L3MBTL3: variants seen among roughly 807,000 people sequenced by gnomAD.
L3MBTL3 encodes lethal(3)malignant brain tumor-like protein 3.
In L3MBTL3, 27 loss-of-function variants were observed where a neutral mutation model predicts 102.3. The observed-to-expected ratio is 0.26, with a 90% CI of 0.19 to 0.36. The LOEUF is 0.36. Ranked by LOEUF, L3MBTL3 falls within the 10% of genes least tolerant of loss-of-function variation. The pLI, the probability that L3MBTL3 is intolerant of heterozygous loss-of-function variation, is 1.00. For missense variants in L3MBTL3, 798 were observed against 955.3 expected, an observed-to-expected ratio of 0.84 and a Z score of 2.17; for synonymous variants, 340 against 320.9, an observed-to-expected ratio of 1.06 and a Z score of -0.64.
chr6:130,045,358 C>T (rs1383561357), intron 3 of L3MBTL3, among the ~76,000 whole-genome samples: 2 of 152,136 alleles, frequency 1.3e-5, no homozygotes, highest in Non-Finnish European at 2.9e-5. Context: ...ACTGGGCTAT[C>T]GCATGCTTAT....
chr6:130,110,443 T>G (rs1785279627), intron 19 of L3MBTL3, among the ~76,000 whole-genome samples: 1 of 152,202 alleles, frequency 6.6e-6, no homozygotes, highest in South Asian at 2.1e-4. Flanking sequence ...GGTGTTTTAT[T>G]CTCTTTGTAG....
Position 130,113,314 on chromosome 6 carries a change from C to G in L3MBTL3, c.1887-7565C>G, listed in dbSNP as rs142247640. On this transcript the variant is annotated intron_variant, in intron 19 of 22. Coordinates refer to ENST00000361794, the MANE Select transcript of L3MBTL3 (RefSeq NM_032438.4). ...TGACAGATGCAAGTAGTCTATAAATCAGGCTTTGGGAATCACTACTGAATG... is the reference window on the plus strand; with the variant it reads ...TGACAGATGCAAGTAGTCTATAAATGAGGCTTTGGGAATCACTACTGAATG... 3.1e-3 allele frequency among the ~76,000 whole-genome samples: 470 copies of G among 152,272 alleles called. 3 individuals carry two copies. Among genetic ancestry groups the G allele is most frequent in the African/African-American group, 0.011 (446 of 41,558 alleles).
At chr6:130,111,563 C>T (rs1785348263) in intron 19 of L3MBTL3, among the ~76,000 whole-genome samples, 1 of 152,128 alleles carries the variant, frequency 6.6e-6, no homozygotes, top group Non-Finnish European at 1.5e-5. Flanking sequence ...GATGTGCTGA[C>T]GTTGCTTTTG....
At chr6:130,076,560 A>C (rs1348509374) in intron 13 of L3MBTL3, among the ~76,000 whole-genome samples, 1 of 152,150 alleles carries the variant, frequency 6.6e-6, no homozygotes, top group Admixed American at 6.5e-5. Flanking sequence ...GCACTTACAC[A>C]TGAAATGTAT....
chr6:130,029,431 C>T (rs915009991), intron 2 of L3MBTL3, among the ~76,000 whole-genome samples: 7 of 152,190 alleles, frequency 4.6e-5, no homozygotes, highest in African/African-American at 1.7e-4. Context: ...TATGCCTCCT[C>T]AGCAAAAACG....
intron 2 of L3MBTL3, among the ~76,000 whole-genome samples, chr6:130,039,651 A>T (rs1207834565): frequency 1.3e-5 from 2 of 151,886 alleles, no homozygotes; most frequent in Non-Finnish European, 2.9e-5. Context: ...ATTTAAAAAT[A>T]ACAGTAAAAC....
intron 2 of L3MBTL3, among the ~76,000 whole-genome samples, chr6:130,036,420 A>T (rs1305829248): frequency 1.3e-5 from 2 of 152,346 alleles, no homozygotes; most frequent in East Asian, 3.9e-4. Flanking sequence ...AAACCTTAGA[A>T]TGAAAATATG....
At chr6:130,085,923 T>C (rs1482845665) in intron 15 of L3MBTL3, among the ~76,000 whole-genome samples, 1 of 152,074 alleles carries the variant, frequency 6.6e-6, no homozygotes, top group Non-Finnish European at 1.5e-5. Flanking sequence ...TGGCTACTGT[T>C]TGTATTTTTA....
At chr6:130,033,865 A>C (rs1349878159) in intron 2 of L3MBTL3, among the ~76,000 whole-genome samples, 2 of 152,266 alleles carry the variant, frequency 1.3e-5, no homozygotes, top group African/African-American at 2.4e-5. Flanking sequence ...CCATTCTTTT[A>C]AAGACAATAT....
At position 130,082,058 on chromosome 6, in the gene L3MBTL3, C is replaced by G. The variant is rs141230370; in HGVS notation, c.1322-1562C>G. Among the ~76,000 whole-genome samples the G allele has an allele frequency of 1.5e-3, 226 of 152,282 alleles. 3 individuals are homozygous for G. The highest frequency in any genetic ancestry group is 5.3e-3 in the African/African-American group (220 of 41,552). On this transcript the variant is annotated intron_variant, in intron 14 of 22. Transcript: ENST00000361794. ...TGGCAGGAATATCATAGACATAGTG[C>G]TGTGTTCTCATTTCCTTCTCTCAGG... is the stretch of plus-strand genomic sequence containing the variant.
intron 12 of L3MBTL3, among the ~76,000 whole-genome samples, chr6:130,070,542 T>A (rs1782560062): frequency 6.6e-6 from 1 of 152,190 alleles, no homozygotes; most frequent in Non-Finnish European, 1.5e-5. Context: ...TTGTACTGAC[T>A]CATGCACATT....
intron 9 of L3MBTL3, 73 bp from the exon 10 acceptor site, chr6:130,059,963 A>G (rs537085728): frequency 1.3e-6 from 1 of 746,298 alleles, no homozygotes; most frequent in Admixed American, 2.6e-5. Flanking sequence ...TTATTTTTAA[A>G]ATGGTAACTA....
chr6:130,125,292 A>T (rs573037620), intron 20 of L3MBTL3, among the ~76,000 whole-genome samples: 2 of 152,214 alleles, frequency 1.3e-5, no homozygotes, highest in Non-Finnish European at 2.9e-5. Flanking sequence ...TGCCTTTAAC[A>T]TGAATTTTAA....
In L3MBTL3 at chr6:130,066,489, G is replaced by GT; in HGVS notation, c.1000+5dup. 1 of 1,606,354 alleles carries GT rather than the reference G, an allele frequency of 6.2e-7. No homozygotes were observed. The highest frequency in any genetic ancestry group is 8.5e-7 in the Non-Finnish European group (1 of 1,177,070). Reference sequence around the variant, plus strand: ...GGCCACAAACTCCATCCTCCAAAAGGTTTTGTCACTTTTTGTTTGATATTT... The same window carrying GT: ...GGCCACAAACTCCATCCTCCAAAAGGTTTTTGTCACTTTTTGTTTGATATTT... On this transcript the variant is annotated splice_donor_variant, in intron 11 of 22. Transcript: ENST00000361794. LOFTEE classifies it high-confidence loss of function.
chr6:130,025,730 C>T (rs938592600), intron 2 of L3MBTL3, among the ~76,000 whole-genome samples: 1 of 152,114 alleles, frequency 6.6e-6, no homozygotes, highest in African/African-American at 2.4e-5. Context: ...AGTAAAATGC[C>T]TTCTGCATTA....
chr6:130,062,733 A>G (rs888683366), intron 10 of L3MBTL3, among the ~76,000 whole-genome samples: 2 of 151,386 alleles, frequency 1.3e-5, no homozygotes, highest in Non-Finnish European at 2.9e-5. Flanking sequence ...TCCATTTTAT[A>G]GAATTGACTT....
rs1437422922 is a variant in L3MBTL3, at chr6:130,140,422, C to T, written c.*669C>T. On this transcript the variant is annotated 3_prime_UTR_variant, in exon 23 of 23. Transcript: ENST00000361794. ...AAATTACTTTTCACCAGCATCTTTA[C>T]TATAATTACCAAAAACATGTATATA... The T allele has an allele frequency of 1.3e-5, 2 of 152,326 alleles. No homozygotes were observed. The highest frequency in any genetic ancestry group is 2.4e-5 in the African/African-American group (1 of 41,328). The allele number at this position is 152,326 out of a possible 1,614,324, so 9.4% of individuals were successfully genotyped here. A position where few individuals can be genotyped will look rare whatever the true frequency, so the allele number is the denominator to read the frequency against.
rs1453938774 is a variant in L3MBTL3, at chr6:130,130,454, C to A, written c.1967-2998C>A. Reference sequence around the variant, plus strand: ...CTGTAGTGTAGAATTGGAAATCTTACCATTTCATATAAAGCTGTCTTATAA... The same window carrying A: ...CTGTAGTGTAGAATTGGAAATCTTAACATTTCATATAAAGCTGTCTTATAA... On this transcript the variant is annotated intron_variant, in intron 20 of 22. Transcript: ENST00000361794. 2.0e-5 allele frequency among the ~76,000 whole-genome samples: 3 copies of A among 152,078 alleles called. No individual in the cohort carries two copies. The East Asian group carries it at 5.8e-4, about 29-fold the overall frequency.
At chr6:130,036,915 A>G (rs1584293911) in intron 2 of L3MBTL3, among the ~76,000 whole-genome samples, 1 of 152,202 alleles carries the variant, frequency 6.6e-6, no homozygotes, top group Non-Finnish European at 1.5e-5. Flanking sequence ...TAACAAAGAA[A>G]GCTCACTGTT....
Sources: gnomAD v4.1 joint callset for allele counts (sites outside exome capture counted in the v4.1 genomes callset) on GRCh38, gnomAD v4.1.1 for gene constraint, MANE v1.5 for transcripts, NCBI Gene and HGNC (gene_info 2026-07-23, HGNC 2026-07-21) for gene names.